Variants in FSTL5 observed in about 807,000 individuals in gnomAD.
FSTL5 encodes the protein follistatin-related protein 5.
A neutral mutation model predicts 89.1 loss-of-function variants in FSTL5; 62 were observed. The ratio of observed to expected loss-of-function variants is 0.70; its 90% CI spans 0.57 to 0.86. The LOEUF is 0.86. FSTL5 is among the 40% of genes least tolerant of loss of function. FSTL5 has a pLI of 0.00. For missense variants in FSTL5, 1,057 were observed against 1,001.6 expected, an observed-to-expected ratio of 1.06 and a Z score of -0.75; for synonymous variants, 383 against 346.2, an observed-to-expected ratio of 1.11 and a Z score of -1.18.
chr4:161,486,876 T>G (rs1321551794), intron 12 of FSTL5, among the ~76,000 whole-genome samples: 1 of 152,214 alleles, frequency 6.6e-6, no homozygotes, highest in Non-Finnish European at 1.5e-5. Context: ...ATCCATTGTT[T>G]ATCAACAAAT....
chr4:161,554,174 A>G (rs1050220022), intron 8 of FSTL5, among the ~76,000 whole-genome samples: 2 of 151,556 alleles, frequency 1.3e-5, no homozygotes, highest in African/African-American at 2.4e-5. Flanking sequence ...TTTGGTGTTT[A>G]TATGGAATCC....
intron 2 of FSTL5, among the ~76,000 whole-genome samples, chr4:162,083,693 A>G (rs1408403141): frequency 6.6e-6 from 1 of 151,848 alleles, no homozygotes; most frequent in Admixed American, 6.6e-5. Context: ...AATAATTTCA[A>G]ATATTATCAA....
At chr4:161,650,839 A>C (rs1199311898) in intron 7 of FSTL5, among the ~76,000 whole-genome samples, 1 of 152,170 alleles carries the variant, frequency 6.6e-6, no homozygotes, top group African/African-American at 2.4e-5. Context: ...GCAACTCTAG[A>C]TACTACAAAT....
intron 15 of FSTL5, among the ~76,000 whole-genome samples, chr4:161,409,650 G>A (rs1204703420): frequency 6.6e-6 from 1 of 152,246 alleles, no homozygotes; most frequent in Non-Finnish European, 1.5e-5. Context: ...AAAGTGCTGC[G>A]ATTACAGGCG....
chr4:161,521,887 A>ATGAATT (rs1376641985), intron 10 of FSTL5, among the ~76,000 whole-genome samples: 1 of 147,412 alleles, frequency 6.8e-6, no homozygotes, highest in African/African-American at 2.5e-5. Context: ...AAAAAAGGTT[A>ATGAATT]TGAATTTGGA....
intron 2 of FSTL5, among the ~76,000 whole-genome samples, chr4:162,047,799 C>A (rs142061618): frequency 2.5e-4 from 38 of 150,936 alleles, no homozygotes; most frequent in African/African-American, 7.5e-4. Context: ...CACTCCAGCC[C>A]GGGCAACAAG....
intron 2 of FSTL5, among the ~76,000 whole-genome samples, chr4:162,054,582 C>CA (rs1738479023): frequency 6.6e-6 from 1 of 151,662 alleles, no homozygotes; most frequent in Non-Finnish European, 1.5e-5. Flanking sequence ...AAAATGAAAA[C>CA]AAGAGGCTTA....
At chr4:161,635,260 G>A (rs918360512) in intron 7 of FSTL5, among the ~76,000 whole-genome samples, 1 of 152,184 alleles carries the variant, frequency 6.6e-6, no homozygotes, top group African/African-American at 2.4e-5. Flanking sequence ...GTGGTGGCAG[G>A]CGCCTGTAAT....
At chr4:161,900,680 G>GA (rs1367814333) in intron 4 of FSTL5, among the ~76,000 whole-genome samples, 75 of 115,188 alleles carry the variant, frequency 6.5e-4, no homozygotes, top group Non-Finnish European at 9.9e-4. Flanking sequence ...AGAAAGAAAA[G>GA]AAAAAAAAAA....
At chr4:161,612,603 ATGT>A (rs1734690674) in intron 7 of FSTL5, among the ~76,000 whole-genome samples, 1 of 152,262 alleles carries the variant, frequency 6.6e-6, no homozygotes, top group Non-Finnish European at 1.5e-5. Context: ...ACAAAAAGTC[ATGT>A]AATTCACTTG....
At chr4:161,400,108 T>TGAGAATTTTTTCAAATTGTCCA (rs1278996454) in intron 15 of FSTL5, among the ~76,000 whole-genome samples, 11 of 152,110 alleles carry the variant, frequency 7.2e-5, no homozygotes, top group Non-Finnish European at 1.5e-4. Context: ...ACGGTTGTTC[T>TGAGAATTTTTTCAAATTGTCCA]GAGAATTTTT....
At chr4:161,864,990 T>A (rs1482243248) in intron 4 of FSTL5, among the ~76,000 whole-genome samples, 1 of 151,590 alleles carries the variant, frequency 6.6e-6, no homozygotes, top group African/African-American at 2.4e-5. Flanking sequence ...GGACATAGTG[T>A]AAAGGAAGAA....
At chr4:162,098,794 A>G (rs1730870139) in intron 2 of FSTL5, among the ~76,000 whole-genome samples, 1 of 152,094 alleles carries the variant, frequency 6.6e-6, no homozygotes, top group African/African-American at 2.4e-5. Context: ...CCTATCTTGG[A>G]AAAAGTTGCA....
intron 4 of FSTL5, among the ~76,000 whole-genome samples, chr4:161,860,969 G>A (rs1731892263): frequency 6.6e-6 from 1 of 151,814 alleles, no homozygotes; most frequent in Non-Finnish European, 1.5e-5. Flanking sequence ...TTCACAAAAA[G>A]ATAATACCTT....
intron 4 of FSTL5, among the ~76,000 whole-genome samples, chr4:161,886,062 T>A (rs1732797465): frequency 6.6e-6 from 1 of 152,156 alleles, no homozygotes; most frequent in East Asian, 1.9e-4. Flanking sequence ...ACACATTGCA[T>A]ACCAGGTCTT....
At chr4:162,120,757 A>G (rs1337985290) in intron 1 of FSTL5, among the ~76,000 whole-genome samples, 1 of 152,058 alleles carries the variant, frequency 6.6e-6, no homozygotes, top group Non-Finnish European at 1.5e-5. Context: ...AAAAAATACT[A>G]CAGCATACCT....
At chr4:161,516,668 ACACT>A (rs1199351782) in intron 10 of FSTL5, among the ~76,000 whole-genome samples, 1 of 140,716 alleles carries the variant, frequency 7.1e-6, no homozygotes, top group Admixed American at 7.6e-5. Context: ...ATATATACAC[ACACT>A]AAGTATATAT....
intron 13 of FSTL5, among the ~76,000 whole-genome samples, chr4:161,469,593 G>T (rs1322489808): frequency 6.6e-6 from 1 of 151,198 alleles, no homozygotes; most frequent in South Asian, 2.1e-4. Flanking sequence ...TATGTATAAC[G>T]TCTTTGAAAA....
chr4:161,886,223 A>G (rs1732802798), intron 4 of FSTL5, among the ~76,000 whole-genome samples: 1 of 152,138 alleles, frequency 6.6e-6, no homozygotes, highest in Non-Finnish European at 1.5e-5. Context: ...TTCATAGAAA[A>G]ATCAGTTAAC....
Sources: allele counts gnomAD v4.1 joint callset (sites outside exome capture counted in the v4.1 genomes callset), GRCh38; gene constraint gnomAD v4.1.1; transcripts MANE v1.5; gene names NCBI Gene and HGNC (gene_info 2026-07-23, HGNC 2026-07-21).